The following PRR27 variants were observed in gnomAD, a reference collection of about 807,000 sequenced individuals.
PRR27 encodes proline-rich protein 27.
A neutral mutation model predicts 16.8 loss-of-function variants in PRR27; 12 were observed. That is an observed-to-expected ratio of 0.71 (90% confidence interval 0.46 to 1.16). The LOEUF is 1.16. Among genes scored for constraint, PRR27 ranks in the 50% most tolerant of loss-of-function variants. The pLI is 0.00. For synonymous variants in PRR27, 100 were observed against 98.4 expected (o/e 1.02, Z -0.10); for missense variants, 277 against 273.3 (o/e 1.01, Z -0.10).
rs1728700947 is a variant in PRR27, at chr4:70,163,853, T to A, written c.*1192T>A. On this transcript the variant is annotated 3_prime_UTR_variant, in exon 5 of 5. Coordinates refer to ENST00000344526, the MANE Select transcript of PRR27 (RefSeq NM_214711.4). Reference sequence around the variant, plus strand: ...TTTCTAACTTCATTCCCTATCATTCTCCATCTTGCCCCATGCTCCTCATGC... The same window carrying A: ...TTTCTAACTTCATTCCCTATCATTCACCATCTTGCCCCATGCTCCTCATGC... 1 of 151,596 alleles carries A rather than the reference T, an allele frequency of 6.6e-6. No homozygotes were observed. The highest frequency in any genetic ancestry group is 2.4e-5 in the African/African-American group (1 of 41,332). The allele number at this position is 151,596 out of a possible 1,614,324, so 9.4% of individuals were successfully genotyped here.
intron 1 of PRR27, chr4:70,154,672 G>A (rs1728436322): frequency 9.1e-7 from 1 of 1,094,030 alleles, no homozygotes; most frequent in Non-Finnish European, 1.3e-6. Context: ...GTAGGAGGCT[G>A]GAGGAGGAAA....
intron 1 of PRR27, 29 bp downstream of exon 1, chr4:70,154,455 C>G: frequency 6.5e-7 from 1 of 1,550,242 alleles, no homozygotes; most frequent in Non-Finnish European, 8.9e-7. Flanking sequence ...AAAATTGTAA[C>G]AATTGTATAA....
chr4:70,156,479 G>A (rs1038767151), intron 2 of PRR27, among the ~76,000 whole-genome samples: 3 of 152,154 alleles, frequency 2.0e-5, no homozygotes, highest in East Asian at 1.9e-4. Flanking sequence ...GAAGTAGTGG[G>A]CCAGCCATAT....
chr4:70,163,912 T>C lies in PRR27; in HGVS notation c.*1251T>C, dbSNP rs980016926. On this transcript the variant is annotated 3_prime_UTR_variant, in exon 5 of 5. Coordinates refer to ENST00000344526, the MANE Select transcript of PRR27 (RefSeq NM_214711.4). Reference sequence around the variant, plus strand: ...TTTTTTTTTTTTCCTTTTTCAAATATGTTGGTTTTGATCTTATCCAAGAAC... The same window carrying C: ...TTTTTTTTTTTTCCTTTTTCAAATACGTTGGTTTTGATCTTATCCAAGAAC... 6.6e-6 allele frequency: 1 copy of C among 151,580 alleles called. No homozygotes were observed. Among genetic ancestry groups the C allele is most frequent in the South Asian group, 2.1e-4 (1 of 4,804 alleles). 9.4% of individuals were successfully genotyped at this position (151,580 alleles called of 1,614,324 possible). A position where few individuals can be genotyped will look rare whatever the true frequency, so the allele number is the denominator to read the frequency against.
intron 2 of PRR27, among the ~76,000 whole-genome samples, chr4:70,157,311 A>G (rs1471341362): frequency 6.6e-6 from 1 of 152,050 alleles, no homozygotes; most frequent in Non-Finnish European, 1.5e-5. Context: ...CAGAGATGGC[A>G]CAGAGAAGGT....
intron 2 of PRR27, 32 bp from the exon 3 acceptor site, chr4:70,158,296 A>AAACC (rs767523517): frequency 1.6e-5 from 24 of 1,474,190 alleles, no homozygotes; most frequent in Non-Finnish European, 2.1e-5. Context: ...GGACAAATAC[A>AAACC]ATCAACTTCG....
At chr4:70,154,564 G>A (rs1215210875) in intron 1 of PRR27, 138 bp downstream of exon 1, 6 of 861,394 alleles carry the variant, frequency 7.0e-6, no homozygotes, top group Non-Finnish European at 1.1e-5. Flanking sequence ...GAGATTTGTA[G>A]TGTCAGACTT....
intron 2 of PRR27, 43 bp downstream of exon 2, chr4:70,156,120 T>G: frequency 9.2e-7 from 1 of 1,083,192 alleles, no homozygotes; most frequent in East Asian, 2.9e-5. Flanking sequence ...TTTGTTTTTA[T>G]CTTAAAATAT....
At position 70,165,463 on chromosome 4, in the gene PRR27, T is replaced by C. The variant is rs976742971; in HGVS notation, c.*2802T>C. ...AATGTCGCTTTATGAATCCACCTTC[T>C]TCCTTATCTGTAGAGTTAAAAACTA... On this transcript the variant is annotated 3_prime_UTR_variant, in exon 5 of 5. Coordinates refer to ENST00000344526, the MANE Select transcript of PRR27 (RefSeq NM_214711.4). 1 of 152,116 alleles carries C rather than the reference T, an allele frequency of 6.6e-6. No individual in the cohort carries two copies. Among genetic ancestry groups the C allele is most frequent in the Non-Finnish European group, 1.5e-5 (1 of 67,960 alleles). 9.4% of individuals were successfully genotyped at this position (152,116 alleles called of 1,614,324 possible).
At position 70,158,600 on chromosome 4, in the gene PRR27, G is replaced by GT; in HGVS notation, c.355dup (p.Ser119PhefsTer14). 3.1e-6 allele frequency: 5 copies of GT among 1,613,976 alleles called. No homozygotes were observed. The highest frequency in any genetic ancestry group is 4.2e-6 in the Non-Finnish European group (5 of 1,179,972). Reference sequence around the variant, plus strand: ...GTTTCCCGTTTGTCCCTCCTTCAAGGTTTTTTTCAGCAGCTGCAGCACCCG... The same window carrying GT: ...GTTTCCCGTTTGTCCCTCCTTCAAGGTTTTTTTTCAGCAGCTGCAGCACCCG... On this transcript the variant is annotated frameshift_variant, in exon 3 of 5. Transcript: ENST00000344526. LOFTEE classifies it high-confidence loss of function.
At chr4:70,155,266 C>T (rs995708117) in intron 1 of PRR27, among the ~76,000 whole-genome samples, 3 of 151,974 alleles carry the variant, frequency 2.0e-5, no homozygotes, top group African/African-American at 7.3e-5. Flanking sequence ...GTGGTCAATT[C>T]ACAAACCATA....
intron 3 of PRR27, 133 bp downstream of exon 3, chr4:70,159,033 C>T: frequency 1.3e-6 from 1 of 784,150 alleles, no homozygotes; most frequent in Non-Finnish European, 2.0e-6. Context: ...ATACAATTGA[C>T]ATACCACAAA....
At position 70,158,697 on chromosome 4, in the gene PRR27, G is replaced by A. The variant is rs1728556552; in HGVS notation, c.445G>A (p.Ala149Thr). 2 of 1,613,098 alleles carry A rather than the reference G, an allele frequency of 1.2e-6. No homozygotes were observed. The highest frequency in any genetic ancestry group is 1.3e-5 in the African/African-American group (1 of 74,812). Residue 149 changes from alanine (A) to threonine (T), a missense_variant, in exon 3 of 5, where the codon GCT becomes ACT. Coordinates refer to ENST00000344526, the MANE Select transcript of PRR27 (RefSeq NM_214711.4). ...AGCCACACCTGTAGCAGCTGAGCCT[G>A]CTGCAGGGGCCCCTGTTGCAGCTGA... The part of the protein sequence containing the change: ...LTATPVAAEP[A>T]AGAPVAAEPA...
chr4:70,156,852 A>G (rs565376841), intron 2 of PRR27, among the ~76,000 whole-genome samples: 1 of 137,920 alleles, frequency 7.3e-6, no homozygotes, highest in Admixed American at 7.2e-5. Context: ...AAATAGAAAT[A>G]TTATTAGGTA....
At position 70,161,187 on chromosome 4, in the gene PRR27, T is replaced by C. The variant is rs1246966370; in HGVS notation, c.649-399T>C. Among the ~76,000 whole-genome samples the C allele has an allele frequency of 1.5e-4, 15 of 103,250 alleles. 1 individual carries two copies. Among genetic ancestry groups the C allele is most frequent in the South Asian group, 7.5e-4 (2 of 2,650 alleles). 67.7% of individuals were successfully genotyped at this position (103,250 alleles called of 152,430 possible). A position where few individuals can be genotyped will look rare whatever the true frequency, so the allele number is the denominator to read the frequency against. On this transcript the variant is annotated intron_variant, in intron 3 of 4. Transcript: ENST00000344526. Reference sequence around the variant, plus strand: ...ATATATATATATATATATACACACATACATATATATACACGTATACATATA... The same window carrying C: ...ATATATATATATATATATACACACACACATATATATACACGTATACATATA...
intron 4 of PRR27, among the ~76,000 whole-genome samples, 194 bp downstream of exon 4, chr4:70,161,824 T>A (rs928460973): frequency 2.6e-5 from 4 of 152,204 alleles, no homozygotes; most frequent in African/African-American, 9.7e-5. Context: ...GAACTCAGGC[T>A]ACTTTTGAAC....
At chr4:70,161,841 C>A (rs552803553) in intron 4 of PRR27, among the ~76,000 whole-genome samples, 2 of 152,032 alleles carry the variant, frequency 1.3e-5, no homozygotes, top group African/African-American at 4.8e-5. Flanking sequence ...GAACAAATAG[C>A]GAGTTCCTCC....
In PRR27 at chr4:70,165,949, C is replaced by T. The variant is rs1347486913; in HGVS notation, c.*3288C>T. On this transcript the variant is annotated 3_prime_UTR_variant, in exon 5 of 5. Coordinates refer to ENST00000344526, the MANE Select transcript of PRR27 (RefSeq NM_214711.4). ...TTTTGTGGCCAGAAAGTCAGGACCTCAAAGAGGTATAAGTTTGTGTGTATA... is the reference window on the plus strand; with the variant it reads ...TTTTGTGGCCAGAAAGTCAGGACCTTAAAGAGGTATAAGTTTGTGTGTATA... 1 of 152,058 alleles carries T rather than the reference C, an allele frequency of 6.6e-6. No individual in the cohort carries two copies. The highest frequency in any genetic ancestry group is 1.5e-5 in the Non-Finnish European group (1 of 67,972). 9.4% of individuals were successfully genotyped at this position (152,058 alleles called of 1,614,324 possible). A position where few individuals can be genotyped will look rare whatever the true frequency, so the allele number is the denominator to read the frequency against.
chr4:70,160,407 CTT>C (rs1351874225), intron 3 of PRR27, among the ~76,000 whole-genome samples: 24 of 96,242 alleles, frequency 2.5e-4, no homozygotes, highest in Non-Finnish European at 4.5e-4. Flanking sequence ...TCTTCTGGGA[CTT>C]TCTCTCTCTC....
Sources: gnomAD v4.1 joint callset for allele counts (sites outside exome capture counted in the v4.1 genomes callset) on GRCh38, gnomAD v4.1.1 for gene constraint, MANE v1.5 for transcripts, NCBI Gene and HGNC (gene_info 2026-07-23, HGNC 2026-07-21) for gene names.